TPH2: variants seen among roughly 807,000 people sequenced by gnomAD.
The protein encoded by TPH2 is tryptophan 5-hydroxylase 2.
Under a neutral mutation model 59.1 loss-of-function variants are expected in TPH2, and 27 were observed. The observed-to-expected ratio is 0.46, with a 90% confidence interval of 0.34 to 0.63. TPH2 has a LOEUF of 0.63. TPH2 is among the 30% of genes least tolerant of loss of function. The pLI, the probability that TPH2 is intolerant of heterozygous loss-of-function variation, is 0.01. For synonymous variants in TPH2, 220 were observed against 210.5 expected (o/e 1.05, Z -0.39); for missense variants, 523 against 588.3 (o/e 0.89, Z 1.15).
At position 71,994,457 on chromosome 12, in the gene TPH2, C is replaced by T; in HGVS notation, c.960C>T (p.Leu320=). The change falls in exon 8 of 11, where the codon CTC becomes CTT. Residue 320 remains leucine (L), a synonymous_variant. Transcript: ENST00000333850. ...TTGTCAGAGACACATGCCATGAACT[C>T]TTGGGACATGTTCCACTACTTGCGG... ...YTPEPDTCHE[L]LGHVPLLADP... 3.1e-6 allele frequency: 5 copies of T among 1,613,932 alleles called. No individual in the cohort carries two copies. The highest frequency in any genetic ancestry group is 4.2e-6 in the Non-Finnish European group (5 of 1,179,848).
At chr12:71,949,936 C>T (rs1243879859) in intron 5 of TPH2, among the ~76,000 whole-genome samples, 3 of 152,052 alleles carry the variant, frequency 2.0e-5, no homozygotes, top group Admixed American at 2.0e-4. Flanking sequence ...ACTCTGCAGG[C>T]CTTAGAAACT....
At chr12:72,009,538 T>G (rs998923726) in intron 8 of TPH2, among the ~76,000 whole-genome samples, 1 of 152,252 alleles carries the variant, frequency 6.6e-6, no homozygotes, top group African/African-American at 2.4e-5. Context: ...ATTTCTAAAC[T>G]AGCCTCATTG....
chr12:72,009,996 T>A (rs1873057374), intron 8 of TPH2, among the ~76,000 whole-genome samples: 1 of 152,212 alleles, frequency 6.6e-6, no homozygotes, highest in South Asian at 2.1e-4. Flanking sequence ...AGTTTCCCCA[T>A]GTTTGAAATG....
intron 8 of TPH2, among the ~76,000 whole-genome samples, chr12:72,008,127 C>T (rs1873004367): frequency 6.6e-6 from 1 of 152,168 alleles, no homozygotes; most frequent in Non-Finnish European, 1.5e-5. Flanking sequence ...GGCGGGCACT[C>T]ACATCAGGTT....
chr12:72,015,486 A>T (rs1873221627), intron 8 of TPH2, among the ~76,000 whole-genome samples: 1 of 151,370 alleles, frequency 6.6e-6, no homozygotes. Flanking sequence ...CGCCCAGCTA[A>T]TTTTTTGTAT....
rs781612841 is a variant in TPH2, at chr12:71,982,015, A to ATTT, written c.941+2943_941+2945dup. 1.4e-3 allele frequency among the ~76,000 whole-genome samples: 87 copies of ATTT among 60,504 alleles called. 19 individuals are homozygous for ATTT. The highest frequency in any genetic ancestry group is 0.014 in the East Asian group (33 of 2,328). The allele number at this position is 60,504 out of a possible 152,430, so 39.7% of individuals were successfully genotyped here. ...TTTTTGTGGGTTTCATATCATTCGT[A>ATTT]TTTTTTTTTTTTTTTTTAGACAGAG... is the stretch of plus-strand genomic sequence containing the variant. On this transcript the variant is annotated intron_variant, in intron 7 of 10. Coordinates refer to ENST00000333850, the MANE Select transcript of TPH2 (RefSeq NM_173353.4).
At chr12:72,015,686 T>C (rs1214556182) in intron 8 of TPH2, among the ~76,000 whole-genome samples, 3 of 152,160 alleles carry the variant, frequency 2.0e-5, no homozygotes, top group Non-Finnish European at 4.4e-5. Flanking sequence ...TGAGTGACAG[T>C]CTTCTTTTCT....
chr12:71,991,069 G>T (rs983701774), intron 7 of TPH2, among the ~76,000 whole-genome samples: 9 of 152,166 alleles, frequency 5.9e-5, no homozygotes, highest in Middle Eastern at 3.4e-3. Flanking sequence ...GGTATTAAAG[G>T]TTCTTAAGTT....
chr12:71,939,302 CT>C (rs1300559090), intron 1 of TPH2, among the ~76,000 whole-genome samples: 2 of 147,366 alleles, frequency 1.4e-5, no homozygotes, highest in South Asian at 4.3e-4. Context: ...GCGTGCTCAA[CT>C]TTTTTTCCGC....
intron 7 of TPH2, among the ~76,000 whole-genome samples, chr12:71,983,609 C>A (rs370741720): frequency 2.0e-5 from 3 of 152,112 alleles, no homozygotes; most frequent in African/African-American, 4.8e-5. Flanking sequence ...CTATGCCCTC[C>A]GTCCACCTCA....
chr12:71,976,815 A>G (rs1872132566), intron 6 of TPH2, among the ~76,000 whole-genome samples: 2 of 152,134 alleles, frequency 1.3e-5, no homozygotes, highest in Non-Finnish European at 2.9e-5. Flanking sequence ...ATTGTGTGGT[A>G]CTCTCCTAAT....
At chr12:71,983,312 G>C (rs183917644) in intron 7 of TPH2, among the ~76,000 whole-genome samples, 1 of 152,202 alleles carries the variant, frequency 6.6e-6, no homozygotes, top group East Asian at 1.9e-4. Context: ...GTATTGCCTG[G>C]CTCCATGCTT....
intron 7 of TPH2, among the ~76,000 whole-genome samples, chr12:71,983,753 G>GAGAC (rs963587233): frequency 6.6e-6 from 1 of 151,642 alleles, no homozygotes; most frequent in Non-Finnish European, 1.5e-5. Flanking sequence ...GAGAGAGAGA[G>GAGAC]AGACAGACAG....
chr12:71,997,328 T>C (rs1872718347), intron 8 of TPH2, among the ~76,000 whole-genome samples: 1 of 152,220 alleles, frequency 6.6e-6, no homozygotes, highest in Non-Finnish European at 1.5e-5. Context: ...TCTCACTATG[T>C]ATGGCCATCA....
chr12:71,958,024 A>G (rs1042990166), intron 5 of TPH2, among the ~76,000 whole-genome samples: 6 of 152,214 alleles, frequency 3.9e-5, no homozygotes, highest in African/African-American at 1.4e-4. Flanking sequence ...TAACCACACA[A>G]CGAGCCCTTG....
At chr12:72,018,648 T>C (rs1165204510) in intron 8 of TPH2, among the ~76,000 whole-genome samples, 1 of 152,196 alleles carries the variant, frequency 6.6e-6, no homozygotes. Context: ...GCACATTTTT[T>C]CCACGAGCTC....
chr12:71,969,633 A>G (rs533275651), intron 5 of TPH2, among the ~76,000 whole-genome samples: 39 of 152,358 alleles, frequency 2.6e-4, no homozygotes, highest in African/African-American at 8.7e-4. Context: ...TCCTACTATG[A>G]CATATAATTG....
chr12:71,968,763 C>A (rs1871887561), intron 5 of TPH2, among the ~76,000 whole-genome samples: 1 of 152,156 alleles, frequency 6.6e-6, no homozygotes, highest in African/African-American at 2.4e-5. Context: ...TGGATGAGGT[C>A]TGGGGAGAGT....
At chr12:71,950,199 G>A (rs1002728014) in intron 5 of TPH2, among the ~76,000 whole-genome samples, 7 of 152,166 alleles carry the variant, frequency 4.6e-5, no homozygotes, top group African/African-American at 1.7e-4. Context: ...TTCGGGGTGA[G>A]GACTGTGCAT....
Sources: gnomAD v4.1 joint callset for allele counts (sites outside exome capture counted in the v4.1 genomes callset) on GRCh38, gnomAD v4.1.1 for gene constraint, MANE v1.5 for transcripts, NCBI Gene and HGNC (gene_info 2026-07-23, HGNC 2026-07-21) for gene names.